The following TRPC5 variants were observed in gnomAD, a reference collection of about 807,000 sequenced individuals.
TRPC5 encodes transient receptor potential cation channel subfamily C member 5.
A neutral mutation model predicts 56.5 loss-of-function variants in TRPC5; 9 were observed. The ratio of observed to expected loss-of-function variants is 0.16; its 90% confidence interval spans 0.10 to 0.28. TRPC5 has a LOEUF of 0.28. TRPC5 is among the 10% of genes least tolerant of loss of function. The probability of loss-of-function intolerance (pLI) is 1.00; values close to 1 mark genes in which losing one functional copy is unlikely to be tolerated. For missense variants in TRPC5, 469 were observed against 748.9 expected, an observed-to-expected ratio of 0.63 and a Z score of 4.36; for synonymous variants, 282 against 278.5, an observed-to-expected ratio of 1.01 and a Z score of -0.13.
intron 7 of TRPC5, among the ~76,000 whole-genome samples, chrX:111,796,007 C>T (rs777736970): frequency 8.1e-4 from 89 of 109,646 alleles, no homozygotes; most frequent in Non-Finnish European, 1.4e-3. Context: ...TTTTCTTCAC[C>T]CTTTTTTCTT....
chrX:111,901,467 C>A (rs16986673), intron 3 of TRPC5: 6,198 of 116,698 alleles, frequency 0.053, 419 homozygotes, highest in African/African-American at 0.19. Context: ...TAGGGGTAAC[C>A]AGTAGCCATA....
At chrX:111,804,991 A>G (rs898712821) in intron 7 of TRPC5, among the ~76,000 whole-genome samples, 3 of 112,031 alleles carry the variant, frequency 2.7e-5, no homozygotes, top group Non-Finnish European at 3.8e-5. Context: ...TGGGTTTGTC[A>G]TAAATAGCTC....
chrX:111,797,576 A>C (rs1235262870), intron 7 of TRPC5, among the ~76,000 whole-genome samples: 1 of 112,375 alleles, frequency 8.9e-6, no homozygotes, highest in East Asian at 2.8e-4. Context: ...TTTGTTATTT[A>C]ATGAATTAAT....
chrX:111,967,780 C>T (rs1418423081), intron 1 of TRPC5, among the ~76,000 whole-genome samples: 17 of 111,690 alleles, frequency 1.5e-4, no homozygotes, highest in African/African-American at 5.2e-4. Flanking sequence ...ATGTAGAAAG[C>T]TGAAACTGGA....
At chrX:112,023,225 C>T (rs751912653) in intron 1 of TRPC5, among the ~76,000 whole-genome samples, 8 of 97,535 alleles carry the variant, frequency 8.2e-5, no homozygotes, top group East Asian at 3.3e-4. Flanking sequence ...TGAGCCACTG[C>T]GCCCAGCAGT....
intron 1 of TRPC5, among the ~76,000 whole-genome samples, chrX:111,972,307 C>T (rs1168613362): frequency 1.8e-5 from 2 of 112,049 alleles, no homozygotes; most frequent in African/African-American, 6.5e-5. Flanking sequence ...AATCTGAAGA[C>T]GGTATTCATA....
intron 7 of TRPC5, among the ~76,000 whole-genome samples, chrX:111,805,646 ATATC>A (rs758683447): frequency 1.7e-4 from 19 of 111,455 alleles, no homozygotes; most frequent in East Asian, 8.4e-4. Context: ...TAAATTACAG[ATATC>A]TATCTATCTA....
At chrX:111,839,463 T>C (rs1603050994) in intron 6 of TRPC5, among the ~76,000 whole-genome samples, 1 of 112,012 alleles carries the variant, frequency 8.9e-6, no homozygotes, top group African/African-American at 3.2e-5. Flanking sequence ...GTTTTCCTCA[T>C]CTCAAAAATG....
chrX:111,854,025 C>T lies in TRPC5; in HGVS notation c.982G>A (p.Val328Ile), dbSNP rs199893191. Residue 328 changes from valine to isoleucine, a missense_variant, in exon 4 of 11, where the codon GTA (valine) becomes ATA (isoleucine). This residue lies in a region of TRPC5 where 157 missense variants were observed against 360.0 expected (regional missense o/e 0.44). Coordinates refer to ENST00000262839, the MANE Select transcript of TRPC5 (RefSeq NM_012471.3). ...GTCATGCAGGTTAGAAGCTTGACTA[C>T]CCAGTGTTTCCGCCGCCATCCAGGG... ...GFPGWRRKHW[V>I]VKLLTCMTIG... The T allele has an allele frequency of 7.4e-6, 9 of 1,209,793 alleles. No individual in the cohort carries two copies. In the East Asian group the frequency reaches 2.4e-4, roughly 32 times the overall value.
At chrX:111,964,409 T>C (rs181523220) in intron 1 of TRPC5, among the ~76,000 whole-genome samples, 137 of 112,209 alleles carry the variant, frequency 1.2e-3, no homozygotes, top group Non-Finnish European at 1.8e-3. Flanking sequence ...TTCAGGATAT[T>C]ATCCAGGAGA....
At chrX:112,048,989 T>G (rs1930141077) in intron 1 of TRPC5, among the ~76,000 whole-genome samples, 1 of 112,103 alleles carries the variant, frequency 8.9e-6, no homozygotes, top group African/African-American at 3.2e-5. Flanking sequence ...CTGCCTTCCA[T>G]CTTGGTTCAT....
At chrX:111,929,144 G>C (rs1427041894) in intron 2 of TRPC5, among the ~76,000 whole-genome samples, 1 of 112,118 alleles carries the variant, frequency 8.9e-6, no homozygotes, top group Non-Finnish European at 1.9e-5. Context: ...CTCTTGCAGG[G>C]CTCCACCGAT....
At chrX:112,081,530 G>A (rs922736821) in intron 1 of TRPC5, among the ~76,000 whole-genome samples, 12 of 111,332 alleles carry the variant, frequency 1.1e-4, no homozygotes, top group Non-Finnish European at 1.9e-4. Flanking sequence ...CTGGGAGCAG[G>A]TTCCCCACGG....
intron 2 of TRPC5, among the ~76,000 whole-genome samples, chrX:111,913,411 C>T (rs191537807): frequency 2.7e-5 from 3 of 111,069 alleles, no homozygotes; most frequent in Non-Finnish European, 1.9e-5. Context: ...AGGGTTCGTC[C>T]AACTTCCTGT....
intron 3 of TRPC5, among the ~76,000 whole-genome samples, chrX:111,909,527 C>T (rs951865893): frequency 2.7e-5 from 3 of 110,174 alleles, no homozygotes; most frequent in Admixed American, 9.8e-5. Flanking sequence ...GAACTGTAAA[C>T]TTACAGGTGG....
intron 7 of TRPC5, among the ~76,000 whole-genome samples, chrX:111,825,385 G>C (rs1254629944): frequency 3.7e-5 from 4 of 107,983 alleles, no homozygotes; most frequent in Non-Finnish European, 7.6e-5. Flanking sequence ...CCGAGTAGCT[G>C]GGACTACAGG....
intron 1 of TRPC5, among the ~76,000 whole-genome samples, chrX:111,975,623 G>A (rs1431171274): frequency 1.8e-5 from 2 of 111,334 alleles, no homozygotes; most frequent in African/African-American, 3.3e-5. Flanking sequence ...ACAGCCGGGC[G>A]TGGGGGCTCA....
chrX:111,854,977 A>G (rs1051318177), intron 3 of TRPC5, among the ~76,000 whole-genome samples: 2 of 111,938 alleles, frequency 1.8e-5, no homozygotes, highest in African/African-American at 6.5e-5. Flanking sequence ...AGCATTGCAA[A>G]TCATTATCCA....
chrX:111,948,549 C>T (rs188624066), intron 2 of TRPC5, among the ~76,000 whole-genome samples: 37 of 109,725 alleles, frequency 3.4e-4, no homozygotes, highest in African/African-American at 1.2e-3. Flanking sequence ...CTGGGCAACA[C>T]GTTGAAATCC....
Sources: allele counts gnomAD v4.1 joint callset (sites outside exome capture counted in the v4.1 genomes callset), GRCh38; gene constraint gnomAD v4.1.1; regional missense constraint gnomAD v4.1.1; transcripts MANE v1.5; gene names NCBI Gene and HGNC (gene_info 2026-07-23, HGNC 2026-07-21).